Variants in TENM2 observed in about 807,000 individuals in gnomAD.
TENM2 encodes teneurin transmembrane protein 2, also known as teneurin-2.
TENM2 carries 52 observed loss-of-function variants against 245.2 expected under a neutral mutation model. The ratio of observed to expected loss-of-function variants is 0.21; its 90% CI spans 0.17 to 0.27. The LOEUF (loss-of-function observed/expected upper bound fraction) is 0.27, where lower values mean the gene tolerates loss of function less well. Ranked by LOEUF, TENM2 falls within the 10% of genes least tolerant of loss-of-function variation. The probability of loss-of-function intolerance (pLI) is 1.00; values close to 1 mark genes in which losing one functional copy is unlikely to be tolerated. For missense variants in TENM2, 3,046 were observed against 3,666.8 expected, an observed-to-expected ratio of 0.83 and a Z score of 4.37; for synonymous variants, 1,363 against 1,438.9, an observed-to-expected ratio of 0.95 and a Z score of 1.19.
intron 2 of TENM2, among the ~76,000 whole-genome samples, chr5:167,735,626 C>A (rs889762643): frequency 6.6e-6 from 1 of 152,002 alleles, no homozygotes; most frequent in African/African-American, 2.4e-5. Context: ...GGCAACATGT[C>A]AAAACCCCAT....
intron 2 of TENM2, among the ~76,000 whole-genome samples, chr5:167,655,128 A>C (rs995283658): frequency 2.0e-5 from 3 of 152,346 alleles, no homozygotes; most frequent in African/African-American, 7.2e-5. Flanking sequence ...TGTAAGCAAC[A>C]GAAACTGACT....
intron 2 of TENM2, among the ~76,000 whole-genome samples, chr5:167,778,793 G>T (rs1197909639): frequency 6.6e-6 from 1 of 152,190 alleles, no homozygotes; most frequent in African/African-American, 2.4e-5. Flanking sequence ...ATAGGCTTAT[G>T]ATGCCTTTCT....
At chr5:167,217,740 T>TAATAG in the TENM2 span, among the ~76,000 whole-genome samples, 28 of 147,734 alleles carry the variant, frequency 1.9e-4, no homozygotes, top group South Asian at 1.5e-3. Flanking sequence ...ATATATAATA[T>TAATAG]ATGTGATATG....
At chr5:168,237,595 G>A (rs78002861) in intron 25 of TENM2, among the ~76,000 whole-genome samples, 2,095 of 152,160 alleles carry the variant, frequency 0.014, 25 homozygotes, top group Non-Finnish European at 0.02. Flanking sequence ...TATCAAAACC[G>A]CCACTCAAAC....
At chr5:167,127,274 G>A in the TENM2 span, among the ~76,000 whole-genome samples, 1 of 152,122 alleles carries the variant, frequency 6.6e-6, no homozygotes, top group Non-Finnish European at 1.5e-5. Context: ...AAAAGCAATT[G>A]TCTATAGGGG....
chr5:168,097,624 G>A (rs368570483), intron 8 of TENM2, among the ~76,000 whole-genome samples: 3 of 130,528 alleles, frequency 2.3e-5, no homozygotes, highest in African/African-American at 8.8e-5. Context: ...GTGTGTGTGT[G>A]TATTTTTAGT....
At chr5:167,438,108 T>C (rs1041250358) in intron 2 of TENM2, among the ~76,000 whole-genome samples, 2 of 152,216 alleles carry the variant, frequency 1.3e-5, no homozygotes, top group African/African-American at 4.8e-5. Flanking sequence ...TACTATGAAC[T>C]ATCTGATAAT....
intron 2 of TENM2, among the ~76,000 whole-genome samples, chr5:167,848,174 A>AGGTCATGAGAGCTGAGTG: frequency 6.6e-6 from 1 of 152,294 alleles, no homozygotes; most frequent in African/African-American, 2.4e-5. Context: ...ATGGCTGAGT[A>AGGTCATGAGAGCTGAGTG]GGTCATGAGA....
chr5:167,440,084 GATTTT>G (rs1017654203), intron 2 of TENM2, among the ~76,000 whole-genome samples: 8 of 152,070 alleles, frequency 5.3e-5, no homozygotes, highest in African/African-American at 1.9e-4. Context: ...GCAGTAAATA[GATTTT>G]ATTTTTAAAA....
At chr5:167,032,573 T>A in the TENM2 span, among the ~76,000 whole-genome samples, 35 of 152,298 alleles carry the variant, frequency 2.3e-4, no homozygotes, top group Non-Finnish European at 5.9e-5. Context: ...TGTGTGAGTT[T>A]TCAAATTGTT....
chr5:167,674,633 A>G (rs1338448674), intron 2 of TENM2, among the ~76,000 whole-genome samples: 1 of 152,056 alleles, frequency 6.6e-6, no homozygotes, highest in Non-Finnish European at 1.5e-5. Context: ...GTGTGTCTCA[A>G]TTTCCTCACC....
At chr5:167,175,295 T>C in the TENM2 span, among the ~76,000 whole-genome samples, 1 of 152,246 alleles carries the variant, frequency 6.6e-6, no homozygotes, top group South Asian at 2.1e-4. Flanking sequence ...ACAGCACAGA[T>C]GTTATATTGA....
At chr5:168,059,341 G>T (rs991051308) in intron 6 of TENM2, among the ~76,000 whole-genome samples, 2 of 152,156 alleles carry the variant, frequency 1.3e-5, no homozygotes, top group African/African-American at 4.8e-5. Context: ...TAGAACACTC[G>T]TGGGTGCTGA....
chr5:167,158,705 A>C, the TENM2 span, among the ~76,000 whole-genome samples: 2 of 152,068 alleles, frequency 1.3e-5, no homozygotes, highest in African/African-American at 2.4e-5. Flanking sequence ...CAAGGATACA[A>C]ATCTTACAAA....
chr5:168,007,637 A>G (rs1279305147), intron 5 of TENM2, among the ~76,000 whole-genome samples: 1 of 152,200 alleles, frequency 6.6e-6, no homozygotes, highest in African/African-American at 2.4e-5. Flanking sequence ...TCTCTTTTCT[A>G]CACCTTGACA....
At chr5:167,396,156 C>T (rs1053398159) in intron 2 of TENM2, among the ~76,000 whole-genome samples, 1 of 152,134 alleles carries the variant, frequency 6.6e-6, no homozygotes, top group East Asian at 1.9e-4. Context: ...GATAGATGCA[C>T]CCCCAAAGTC....
chr5:167,931,438 T>C (rs571295295), intron 3 of TENM2, among the ~76,000 whole-genome samples: 7 of 151,128 alleles, frequency 4.6e-5, no homozygotes, highest in Admixed American at 3.3e-4. Flanking sequence ...AAAAGGCCTG[T>C]AAATTGGGCC....
intron 3 of TENM2, among the ~76,000 whole-genome samples, chr5:167,877,637 C>T (rs2151390031): frequency 6.6e-6 from 1 of 152,208 alleles, no homozygotes; most frequent in South Asian, 2.1e-4. Context: ...ACCTTTCTAC[C>T]GCGGAACAAT....
chr5:167,716,656 C>G (rs991070049), intron 2 of TENM2, among the ~76,000 whole-genome samples: 1 of 151,926 alleles, frequency 6.6e-6, no homozygotes, highest in African/African-American at 2.4e-5. Flanking sequence ...AGTAAAATAG[C>G]CAAAAATAAA....
Sources: allele counts gnomAD v4.1 joint callset (sites outside exome capture counted in the v4.1 genomes callset), GRCh38; gene constraint gnomAD v4.1.1; transcripts MANE v1.5; gene names NCBI Gene and HGNC (gene_info 2026-07-23, HGNC 2026-07-21).